AEBP1: variants seen among roughly 807,000 people sequenced by gnomAD.
AEBP1 encodes the protein AE binding protein 1.
A neutral mutation model predicts 116.5 loss-of-function variants in AEBP1; 69 were observed. The observed-to-expected ratio is 0.59, with a 90% CI of 0.49 to 0.72. The LOEUF is 0.72. Ranked by LOEUF, AEBP1 falls within the 30% of genes least tolerant of loss-of-function variation. The pLI is 0.00. For synonymous variants in AEBP1, 627 were observed against 627.3 expected, an observed-to-expected ratio of 1.00 and a Z score of 0.01; for missense variants, 1,444 against 1,557.5, an observed-to-expected ratio of 0.93 and a Z score of 1.23.
Position 44,113,464 on chromosome 7 carries a change from T to G in AEBP1, c.2809+113T>G, listed in dbSNP as rs2096232337. 1.5e-6 allele frequency: 2 copies of G among 1,316,456 alleles called. No homozygotes were observed. The highest frequency in any genetic ancestry group is 2.0e-6 in the Non-Finnish European group (2 of 992,742). 81.5% of individuals were successfully genotyped at this position (1,316,456 alleles called of 1,614,324 possible). On this transcript the variant is annotated intron_variant, in intron 20 of 20. Transcript: ENST00000223357. The surrounding 1 kb of genome is among the most constrained non-coding windows in gnomAD (Gnocchi z 5.3). ...GAGTCTGGGGAGCCTGGGGGCGAAATTCAGAGAGGGAGGGCGGTGCTGGGG... is the reference window on the plus strand; with the variant it reads ...GAGTCTGGGGAGCCTGGGGGCGAAAGTCAGAGAGGGAGGGCGGTGCTGGGG...
Position 44,112,172 on chromosome 7 carries a change from C to G in AEBP1, c.2068C>G (p.Leu690Val), listed in dbSNP as rs1562688274. The part of the protein sequence containing the change: ...GSEFGNWALG[L>V]WTEEGFDIFE... ...AGAGTTTGGGAACTGGGCGCTGGGA[C>G]TGTGGACTGAGGAGGGCTTTGACAT... Residue 690 changes from leucine to valine, a missense_variant, in exon 17 of 21, where the codon CTG (leucine) becomes GTG (valine). Leu to Val is a conservative substitution (Grantham distance 32). Transcript: ENST00000223357. The surrounding 1 kb of genome is among the most constrained non-coding windows in gnomAD (Gnocchi z 6.6). 6 of 1,605,450 alleles carry G rather than the reference C, an allele frequency of 3.7e-6. No individual in the cohort carries two copies. Among genetic ancestry groups the G allele is most frequent in the Non-Finnish European group, 5.1e-6 (6 of 1,173,456 alleles).
At position 44,112,905 on chromosome 7, in the gene AEBP1, C is replaced by T. The variant is rs146820958; in HGVS notation, c.2565C>T (p.Thr855=). Residue 855 remains threonine (T), a synonymous_variant, in exon 18 of 21, where the codon ACC becomes ACT. Transcript: ENST00000223357. The surrounding 1 kb of genome is among the most constrained non-coding windows in gnomAD (Gnocchi z 6.6). ...IVNGAKWNPR[T]GTINDFSYLH... ...ACGGGGCCAAGTGGAACCCCCGGAC[C>T]GGGAGTGAGTCAGCCTGGGAGGGGC... 4 of 1,610,084 alleles carry T rather than the reference C, an allele frequency of 2.5e-6. No individual in the cohort carries two copies. The highest frequency in any genetic ancestry group is 3.4e-6 in the Non-Finnish European group (4 of 1,177,856).
rs1391373693 is a variant in AEBP1 at position 44,113,751 on chromosome 7, C to T, written c.2967C>T (p.Arg989=). The change falls in exon 21 of 21, where the codon CGC becomes CGT. Residue 989 remains arginine, a synonymous_variant. Transcript: ENST00000223357. This position sits in a 1 kb window ranked among gnomAD's most constrained non-coding sequence, Gnocchi z 5.3. ...TCCTGGCTCGCTCCAACTGGAAGCG[C>T]ATCCGGGAGATCATGGCCATGAACG... ...NFILARSNWK[R]IREIMAMNGN... The T allele has an allele frequency of 6.2e-7, 1 of 1,614,014 alleles. No individual in the cohort carries two copies. The highest frequency in any genetic ancestry group is 1.3e-5 in the African/African-American group (1 of 74,912).
Position 44,110,015 on chromosome 7 carries a change from A to G in AEBP1, c.1151A>G (p.Lys384Arg), listed in dbSNP as rs759682693. 5 of 1,612,034 alleles carry G rather than the reference A, an allele frequency of 3.1e-6. No homozygotes were observed. In the East Asian group the frequency reaches 8.9e-5, roughly 29 times the overall value. Residue 384 changes from lysine to arginine, a missense_variant and splice_region_variant, in exon 10 of 21, where the codon AAG (lysine) becomes AGG (arginine). Physicochemically the swap from Lys to Arg is conservative, Grantham distance 26 (BLOSUM62 2). Transcript: ENST00000223357. Reference sequence around the variant, plus strand: ...ACCATTCTGGGGTACGCGTCCTCAGAGTGTCCCCCCATTGGGATGGAGTCA... The same window carrying G: ...ACCATTCTGGGGTACGCGTCCTCAGGGTGTCCCCCCATTGGGATGGAGTCA... ...EEEWTPTEKV[K>R]CPPIGMESHR...
In AEBP1 at chr7:44,111,260, G is replaced by A. The variant is rs1292966572; in HGVS notation, c.1716+21G>A. ...GCCAGGTTGGGAGCATATATCCTGG[G>A]GCTGGGGGTGGGACCTGTCTGTGGC... is the stretch of plus-strand genomic sequence containing the variant. On this transcript the variant is annotated intron_variant, in intron 14 of 20. Coordinates refer to ENST00000223357, the MANE Select transcript of AEBP1 (RefSeq NM_001129.5). The surrounding 1 kb of genome is among the most constrained non-coding windows in gnomAD (Gnocchi z 4.7). 1.3e-6 allele frequency: 2 copies of A among 1,507,098 alleles called. No individual in the cohort carries two copies. The highest frequency in any genetic ancestry group is 2.8e-5 in the African/African-American group (2 of 71,462). 93.4% of individuals were successfully genotyped at this position (1,507,098 alleles called of 1,614,324 possible).
chr7:44,110,568 G>A (rs2096228232), intron 11 of AEBP1, among the ~76,000 whole-genome samples, 157 bp from the exon 12 acceptor site: 1 of 152,248 alleles, frequency 6.6e-6, no homozygotes, highest in South Asian at 2.1e-4. Flanking sequence ...ACCTGCCCAT[G>A]GCTATGTGAC....
chr7:44,112,945 G>A lies in AEBP1; in HGVS notation c.2569+36G>A. ...CTGGGAGGGGCTGTGGGCGGGGCCT[G>A]GTCCGGAGAGGGGCTGACTTTGGGT... On this transcript the variant is annotated intron_variant, in intron 18 of 20. Coordinates refer to ENST00000223357, the MANE Select transcript of AEBP1 (RefSeq NM_001129.5). The surrounding 1 kb of genome is among the most constrained non-coding windows in gnomAD (Gnocchi z 6.6). 6.2e-7 allele frequency: 1 copy of A among 1,613,108 alleles called. No individual in the cohort carries two copies. The highest frequency in any genetic ancestry group is 1.1e-5 in the South Asian group (1 of 91,028).
rs1317522506 is a variant in AEBP1 at position 44,108,733 on chromosome 7, C to T, written c.941-166C>T. 6.6e-6 allele frequency among the ~76,000 whole-genome samples: 1 copy of T among 152,112 alleles called. No individual in the cohort carries two copies. Among genetic ancestry groups the T allele is most frequent in the Non-Finnish European group, 1.5e-5 (1 of 68,018 alleles). ...GGTCTTGCTCAGCTGCCCCTGAGCT[C>T]GGGCTGCTCCTGACTCCTGCAAGAC... On this transcript the variant is annotated intron_variant, in intron 6 of 20. Coordinates refer to ENST00000223357, the MANE Select transcript of AEBP1 (RefSeq NM_001129.5). The surrounding 1 kb of genome is among the most constrained non-coding windows in gnomAD (Gnocchi z 5.0).
Position 44,112,815 on chromosome 7 carries a change from C to T in AEBP1, c.2475C>T (p.Thr825=), listed in dbSNP as rs754666203. The T allele has an allele frequency of 3.1e-6, 5 of 1,612,232 alleles. No homozygotes were observed. The African/African-American group carries it at 6.7e-5, about 22-fold the overall frequency. ...LAISFASAHL[T]LTEPYRGGCQ... is the part of the protein sequence containing the mutation. Reference sequence around the variant, plus strand: ...TCTCCTTCGCCTCCGCACACCTCACCTTGACCGAGCCCTACCGCGGAGGCT... The same window carrying T: ...TCTCCTTCGCCTCCGCACACCTCACTTTGACCGAGCCCTACCGCGGAGGCT... Residue 825 remains threonine (T), a synonymous_variant, in exon 18 of 21, where the codon ACC becomes ACT. Coordinates refer to ENST00000223357, the MANE Select transcript of AEBP1 (RefSeq NM_001129.5). This position sits in a 1 kb window ranked among gnomAD's most constrained non-coding sequence, Gnocchi z 6.6.
In AEBP1 at chr7:44,113,436, G is replaced by T. The variant is rs555592758; in HGVS notation, c.2809+85G>T. ...GGGGCTTGAGGAACTCAGCGAGCAG[G>T]TAGAGTCTGGGGAGCCTGGGGGCGA... On this transcript the variant is annotated intron_variant, in intron 20 of 20. Coordinates refer to ENST00000223357, the MANE Select transcript of AEBP1 (RefSeq NM_001129.5). The surrounding 1 kb of genome is among the most constrained non-coding windows in gnomAD (Gnocchi z 5.3). The T allele has an allele frequency of 4.0e-5, 59 of 1,483,264 alleles. No homozygotes were observed. The South Asian group carries it at 6.8e-4, about 17-fold the overall frequency. 91.9% of individuals were successfully genotyped at this position (1,483,264 alleles called of 1,614,324 possible).
chr7:44,112,443 G>A lies in AEBP1; in HGVS notation c.2218-115G>A. On this transcript the variant is annotated intron_variant, in intron 17 of 20. Transcript: ENST00000223357. The surrounding 1 kb of genome is among the most constrained non-coding windows in gnomAD (Gnocchi z 6.6). ...TCCAGACGCTGAGGCTCTGGGGGTT[G>A]GGGGACAGGGGATCGTGCGAGTACT... The A allele has an allele frequency of 5.8e-6, 8 of 1,389,622 alleles. No individual in the cohort carries two copies. The highest frequency in any genetic ancestry group is 1.5e-5 in the African/African-American group (1 of 68,872). 86.1% of individuals were successfully genotyped at this position (1,389,622 alleles called of 1,614,324 possible). A position where few individuals can be genotyped will look rare whatever the true frequency, so the allele number is the denominator to read the frequency against.
In AEBP1 at chr7:44,105,080, C is replaced by G. The variant is rs535005324; in HGVS notation, c.253+162C>G. On this transcript the variant is annotated intron_variant, in intron 1 of 20. Coordinates refer to ENST00000223357, the MANE Select transcript of AEBP1 (RefSeq NM_001129.5). The stretch of plus-strand genomic sequence containing the variant: ...TGCCTGGAGGGACCCTGTGCTAGGC[C>G]GAGGTCAGCGCTGGCGTGGAGGCAC... 1.0e-3 allele frequency among the ~76,000 whole-genome samples: 156 copies of G among 152,342 alleles called. 1 individual carries two copies. Among genetic ancestry groups the G allele is most frequent in the African/African-American group, 3.5e-3 (147 of 41,584 alleles).
Position 44,111,315 on chromosome 7 carries a change from C to CA in AEBP1, c.1716+77dup, listed in dbSNP as rs1223313408. Reference sequence around the variant, plus strand: ...GGGAGTGTGTGCCTGGTGCTTCTGTCACTGGGCCCAGTCCCTACTGGTTCC... The same window carrying CA: ...GGGAGTGTGTGCCTGGTGCTTCTGTCAACTGGGCCCAGTCCCTACTGGTTCC... On this transcript the variant is annotated intron_variant, in intron 14 of 20. Coordinates refer to ENST00000223357, the MANE Select transcript of AEBP1 (RefSeq NM_001129.5). This position sits in a 1 kb window ranked among gnomAD's most constrained non-coding sequence, Gnocchi z 4.7. 2 of 1,435,670 alleles carry CA rather than the reference C, an allele frequency of 1.4e-6. No homozygotes were observed. Among genetic ancestry groups the CA allele is most frequent in the Non-Finnish European group, 9.2e-7 (1 of 1,081,986 alleles). 88.9% of individuals were successfully genotyped at this position (1,435,670 alleles called of 1,614,324 possible). A position where few individuals can be genotyped will look rare whatever the true frequency, so the allele number is the denominator to read the frequency against.
intron 11 of AEBP1, 94 bp from the exon 12 acceptor site, chr7:44,110,631 T>C (rs959076872): frequency 3.3e-6 from 4 of 1,208,292 alleles, no homozygotes; most frequent in Admixed American, 4.6e-5. Context: ...CCCTGCTAGC[T>C]CTTAAATTCT....
intron 1 of AEBP1, among the ~76,000 whole-genome samples, chr7:44,105,901 C>G (rs2096222445): frequency 6.6e-6 from 1 of 152,170 alleles, no homozygotes; most frequent in Non-Finnish European, 1.5e-5. Flanking sequence ...CTCTCCCAGA[C>G]TCTGAAATGA....
Position 44,110,200 on chromosome 7 carries a change from T to A in AEBP1, c.1261-7T>A. ...CCCATGCTCAGCCTCCCCTGCCCCCTGGACAGACCGGTGCCACTGAGGACG... is the reference window on the plus strand; with the variant it reads ...CCCATGCTCAGCCTCCCCTGCCCCCAGGACAGACCGGTGCCACTGAGGACG... On this transcript the variant is annotated splice_region_variant and splice_polypyrimidine_tract_variant and intron_variant, in intron 10 of 20. Coordinates refer to ENST00000223357, the MANE Select transcript of AEBP1 (RefSeq NM_001129.5). 1 of 1,613,440 alleles carries A rather than the reference T, an allele frequency of 6.2e-7. No individual in the cohort carries two copies. The highest frequency in any genetic ancestry group is 2.2e-5 in the East Asian group (1 of 44,888).
At chr7:44,110,597 C>A in intron 11 of AEBP1, 128 bp from the exon 12 acceptor site, 1 of 1,024,882 alleles carries the variant, frequency 9.8e-7, no homozygotes, top group South Asian at 1.6e-5. Context: ...GACCCAGGCT[C>A]AACACCTGGG....
Position 44,110,077 on chromosome 7 carries a change from A to C in AEBP1, c.1213A>C (p.Met405Leu), listed in dbSNP as rs1317623668. 1.2e-6 allele frequency: 2 copies of C among 1,612,988 alleles called. No individual in the cohort carries two copies. The highest frequency in any genetic ancestry group is 2.7e-5 in the African/African-American group (2 of 74,924). Residue 405 changes from methionine (M) to leucine (L), a missense_variant, in exon 10 of 21, where the codon ATG (methionine) becomes CTG (leucine). By Grantham distance (15) the Met-to-Leu change is conservative (BLOSUM62 2). Transcript: ENST00000223357. ...IEDNQIRASS[M>L]LRHGLGAQRG... is the part of the protein sequence containing the mutation. Reference sequence around the variant, plus strand: ...GGACAACCAGATCCGAGCCTCCTCCATGCTGCGCCACGGCCTGGGGGCACA... The same window carrying C: ...GGACAACCAGATCCGAGCCTCCTCCCTGCTGCGCCACGGCCTGGGGGCACA...
Position 44,111,043 on chromosome 7 carries a change from G to A in AEBP1, c.1616G>A (p.Gly539Glu). Residue 539 changes from glycine (G) to glutamate (E), a missense_variant, in exon 13 of 21, where the codon GGG (glycine) becomes GAG (glutamate). Transcript: ENST00000223357. This position sits in a 1 kb window ranked among gnomAD's most constrained non-coding sequence, Gnocchi z 4.7. ...CTGTGCATGCGCCTGGAGGTGCTGG[G>A]GTGCTCTGTGGCCCGTGAGTGTGGA... ...GSLCMRLEVL[G>E]CSVAPVYSYY... 6.2e-7 allele frequency: 1 copy of A among 1,611,190 alleles called. No homozygotes were observed. Among genetic ancestry groups the A allele is most frequent in the Non-Finnish European group, 8.5e-7 (1 of 1,178,110 alleles).
Sources: gnomAD v4.1 joint callset for allele counts (sites outside exome capture counted in the v4.1 genomes callset) on GRCh38, gnomAD v4.1.1 for gene constraint, Gnocchi (gnomAD v3.1) non-coding constraint, MANE v1.5 for transcripts, NCBI Gene and HGNC (gene_info 2026-07-23, HGNC 2026-07-21) for gene names.